Variants in FER observed in about 807,000 individuals in gnomAD.
FER encodes FER tyrosine kinase.
FER carries 63 observed loss-of-function variants against 111.0 expected under a neutral mutation model. The ratio of observed to expected loss-of-function variants is 0.57; its 90% confidence interval spans 0.46 to 0.70. FER has a LOEUF of 0.70. Among genes scored for constraint, FER ranks in the 30% least tolerant of loss-of-function variants. The pLI, the probability that FER is intolerant of heterozygous loss-of-function variation, is 0.00. For synonymous variants in FER, 327 were observed against 313.9 expected (o/e 1.04, Z -0.44); for missense variants, 914 against 954.0 (o/e 0.96, Z 0.55).
chr5:108,813,073 T>A (rs1241944530), intron 3 of FER, among the ~76,000 whole-genome samples: 2 of 152,164 alleles, frequency 1.3e-5, no homozygotes, highest in Admixed American at 6.5e-5. Context: ...TTTGAAGAAC[T>A]TCCTTTCACA....
intron 12 of FER, 93 bp from the exon 13 acceptor site, chr5:108,959,132 G>GT (rs1482951819): frequency 1.5e-6 from 2 of 1,341,962 alleles, no homozygotes; most frequent in East Asian, 2.4e-5. Flanking sequence ...TGCAATTATA[G>GT]TTTTTTTAAG....
intron 2 of FER, among the ~76,000 whole-genome samples, chr5:108,794,526 A>AC (rs138716410): frequency 0.46 from 47,731 of 104,672 alleles, 8,797 homozygotes; most frequent in East Asian, 0.58. Context: ...CCCCCTCCGC[A>AC]CCCCCCCCCC....
chr5:108,866,560 A>C (rs1306350892), intron 5 of FER, among the ~76,000 whole-genome samples: 2 of 152,102 alleles, frequency 1.3e-5, no homozygotes, highest in Admixed American at 1.3e-4. Context: ...TGTTGTGCAC[A>C]TGTACCCTAA....
intron 3 of FER, among the ~76,000 whole-genome samples, chr5:108,815,027 G>T (rs916041702): frequency 6.6e-5 from 10 of 152,038 alleles, no homozygotes; most frequent in African/African-American, 2.4e-4. Flanking sequence ...ATCTCATCTT[G>T]AATGTTGCTT....
intron 10 of FER, among the ~76,000 whole-genome samples, chr5:108,904,125 G>C (rs1750420332): frequency 6.8e-6 from 1 of 147,344 alleles, no homozygotes; most frequent in Admixed American, 6.6e-5. Flanking sequence ...TCAGGTGTCA[G>C]GTATCATTTT....
chr5:108,890,846 G>T (rs1747934409), intron 9 of FER, among the ~76,000 whole-genome samples: 1 of 152,062 alleles, frequency 6.6e-6, no homozygotes, highest in Non-Finnish European at 1.5e-5. Flanking sequence ...ACAAATAAAG[G>T]TCTCCAAACA....
chr5:108,993,258 T>C (rs1053674814), intron 13 of FER, among the ~76,000 whole-genome samples: 28 of 152,236 alleles, frequency 1.8e-4, no homozygotes, highest in African/African-American at 6.5e-4. Context: ...CATTGAGCAC[T>C]GAGTGAACGA....
chr5:109,122,417 T>C (rs1408600583), intron 17 of FER, among the ~76,000 whole-genome samples: 2 of 152,176 alleles, frequency 1.3e-5, no homozygotes, highest in East Asian at 3.8e-4. Flanking sequence ...TTTTATTCAA[T>C]TGTTGTCAGA....
At chr5:109,040,944 G>T (rs915488822) in intron 14 of FER, among the ~76,000 whole-genome samples, 1 of 152,068 alleles carries the variant, frequency 6.6e-6, no homozygotes, top group African/African-American at 2.4e-5. Context: ...GTCAATATAG[G>T]GACAAGAGCC....
chr5:109,040,099 A>C (rs562941227), intron 14 of FER, among the ~76,000 whole-genome samples: 148 of 152,276 alleles, frequency 9.7e-4, no homozygotes, highest in African/African-American at 3.5e-3. Flanking sequence ...AAAAGATTTC[A>C]GGGAACGAGA....
chr5:109,048,551 C>T (rs1028452470), intron 16 of FER, among the ~76,000 whole-genome samples: 2 of 152,048 alleles, frequency 1.3e-5, no homozygotes, highest in African/African-American at 2.4e-5. Context: ...TTAAATAAAA[C>T]AAAAGAAGAT....
chr5:109,067,874 G>A (rs554350277), intron 16 of FER, among the ~76,000 whole-genome samples: 4 of 152,032 alleles, frequency 2.6e-5, no homozygotes, highest in South Asian at 2.1e-4. Flanking sequence ...AGTGGCTCCC[G>A]GTGGAGTCTG....
At chr5:108,905,449 G>T (rs1302298522) in intron 10 of FER, among the ~76,000 whole-genome samples, 3 of 152,126 alleles carry the variant, frequency 2.0e-5, no homozygotes, top group African/African-American at 7.2e-5. Flanking sequence ...AAAGGAGAGA[G>T]AAGATAAAGT....
At chr5:109,105,990 A>T (rs1487924578) in intron 17 of FER, among the ~76,000 whole-genome samples, 1 of 152,230 alleles carries the variant, frequency 6.6e-6, no homozygotes, top group Admixed American at 6.5e-5. Flanking sequence ...ACTCACAGTT[A>T]GGGAGTTTGA....
intron 3 of FER, chr5:108,820,365 G>T (rs897916828): frequency 2.0e-6 from 2 of 985,230 alleles, no homozygotes; most frequent in Non-Finnish European, 2.4e-6. Context: ...AACTGCTGAG[G>T]TTAGGCGATT....
intron 17 of FER, among the ~76,000 whole-genome samples, chr5:109,114,105 T>G (rs1357536539): frequency 2.6e-5 from 4 of 152,112 alleles, no homozygotes; most frequent in African/African-American, 9.7e-5. Flanking sequence ...GAACTGTATA[T>G]TGGAAGTGAT....
At chr5:109,120,827 T>C (rs1750871929) in intron 17 of FER, among the ~76,000 whole-genome samples, 1 of 152,144 alleles carries the variant, frequency 6.6e-6, no homozygotes, top group Non-Finnish European at 1.5e-5. Context: ...GATTAGTTGA[T>C]TCTTAGCTAT....
intron 3 of FER, chr5:108,820,607 C>T: frequency 1.1e-6 from 1 of 912,302 alleles, no homozygotes; most frequent in Non-Finnish European, 1.3e-6. Flanking sequence ...GTAGTAATAT[C>T]CCGGTAGTCA....
chr5:109,140,475 A>C (rs1205458594), intron 17 of FER, among the ~76,000 whole-genome samples: 1 of 152,206 alleles, frequency 6.6e-6, no homozygotes, highest in East Asian at 1.9e-4. Context: ...TGAGCCCGTG[A>C]AATAGAAAAA....
Sources: gnomAD v4.1 joint callset for allele counts (sites outside exome capture counted in the v4.1 genomes callset) on GRCh38, gnomAD v4.1.1 for gene constraint, MANE v1.5 for transcripts, NCBI Gene and HGNC (gene_info 2026-07-23, HGNC 2026-07-21) for gene names.